The following SYNE2 variants were observed in gnomAD, a reference collection of about 807,000 sequenced individuals.
The protein encoded by SYNE2 is spectrin repeat containing nuclear envelope protein 2.
Under a neutral mutation model 856.3 loss-of-function variants are expected in SYNE2, and 431 were observed. The ratio of observed to expected loss-of-function variants is 0.50; its 90% CI spans 0.47 to 0.55. SYNE2 has a LOEUF of 0.55. Among genes scored for constraint, SYNE2 ranks in the 20% least tolerant of loss-of-function variants. The pLI is 0.00. For missense variants in SYNE2, 8,129 were observed against 8,023.2 expected (o/e 1.01, Z -0.50); for synonymous variants, 2,923 against 2,872.3 (o/e 1.02, Z -0.56).
chr14:64,122,592 C>A (rs2097906137), intron 70 of SYNE2, 165 bp downstream of exon 70: 2 of 854,892 alleles, frequency 2.3e-6, no homozygotes, highest in Admixed American at 4.1e-5. Context: ...AGGAACCCTT[C>A]CTTTGTGCTT....
At chr14:63,799,267 C>T (rs374397034) in intron 1 of SYNE2, among the ~76,000 whole-genome samples, 6 of 152,136 alleles carry the variant, frequency 3.9e-5, no homozygotes, top group East Asian at 1.9e-4. Context: ...TTAGTAGAGA[C>T]GGGGTTTTGC....
rs2095441869 is a variant in SYNE2, at chr14:63,909,081, A to T, written c.-51-17A>T. The T allele has an allele frequency of 4.5e-6, 5 of 1,113,700 alleles. No individual in the cohort carries two copies. In the Admixed American group the frequency reaches 8.4e-5, roughly 19 times the overall value. The allele number at this position is 1,113,700 out of a possible 1,614,324, so 69.0% of individuals were successfully genotyped here. ...GCTGCAAAGTTACTAATGAACATTT[A>T]TCCATTTCACTTTCAGTTCACTTCT... On this transcript the variant is annotated splice_polypyrimidine_tract_variant and intron_variant, in intron 1 of 115. Transcript: ENST00000555002.
At chr14:64,206,458 ATTTT>A (rs531971004) in intron 100 of SYNE2, among the ~76,000 whole-genome samples, 1 of 144,330 alleles carries the variant, frequency 6.9e-6, no homozygotes, top group Non-Finnish European at 1.5e-5. Context: ...CACTTTATTT[ATTTT>A]TTTTTTGTAC....
chr14:64,151,529 G>T (rs1249432985), intron 84 of SYNE2, among the ~76,000 whole-genome samples: 1 of 84,394 alleles, frequency 1.2e-5, no homozygotes, highest in Non-Finnish European at 2.4e-5. Flanking sequence ...AAAAAAAAAG[G>T]CTGGGATCCT....
At chr14:64,067,206 A>T (rs1022692599) in intron 51 of SYNE2, among the ~76,000 whole-genome samples, 4 of 152,254 alleles carry the variant, frequency 2.6e-5, no homozygotes, top group African/African-American at 9.6e-5. Context: ...AGCAAAAAAA[A>T]AATGCTTCCC....
chr14:63,984,413 A>G (rs2096609761), intron 18 of SYNE2, among the ~76,000 whole-genome samples: 2 of 152,338 alleles, frequency 1.3e-5, no homozygotes, highest in South Asian at 4.1e-4. Flanking sequence ...AGACACACAG[A>G]GCAGTCCTGA....
chr14:63,781,911 G>A (rs1209355583), intron 1 of SYNE2, among the ~76,000 whole-genome samples: 1 of 151,986 alleles, frequency 6.6e-6, no homozygotes, highest in Non-Finnish European at 1.5e-5. Flanking sequence ...GAAAGGCCGA[G>A]GCAGGAGAAT....
intron 41 of SYNE2, among the ~76,000 whole-genome samples, chr14:64,025,951 A>G (rs924264137): frequency 2.6e-5 from 4 of 152,142 alleles, no homozygotes; most frequent in Non-Finnish European, 5.9e-5. Flanking sequence ...TTAAAAATTC[A>G]ATCACTAGAT....
intron 1 of SYNE2, among the ~76,000 whole-genome samples, chr14:63,890,360 G>T (rs2095103540): frequency 6.6e-6 from 1 of 152,144 alleles, no homozygotes; most frequent in Admixed American, 6.6e-5. Context: ...ACTGCGCTCG[G>T]CTATTAAGGG....
intron 112 of SYNE2, among the ~76,000 whole-genome samples, chr14:64,222,304 C>T (rs2098698165): frequency 6.6e-6 from 1 of 152,232 alleles, no homozygotes; most frequent in African/African-American, 2.4e-5. Flanking sequence ...TCCAGTAGAA[C>T]TTTCTGAAGT....
At position 64,221,698 on chromosome 14, in the gene SYNE2, A is replaced by T. The variant is rs920341180; in HGVS notation, c.20184A>T (p.Glu6728Asp). The T allele has an allele frequency of 6.2e-7, 1 of 1,613,712 alleles. No individual in the cohort carries two copies. Among genetic ancestry groups the T allele is most frequent in the East Asian group, 2.2e-5 (1 of 44,876 alleles). Residue 6728 changes from glutamate (E) to aspartate (D), a missense_variant, in exon 112 of 116, where the codon GAA (glutamate) becomes GAT (aspartate). Physicochemically the swap from Glu to Asp is conservative, Grantham distance 45. Around this residue, in one of 3 missense-constraint regions of SYNE2, gnomAD observed 5,410 missense variants for 5,284.8 expected, o/e 1.02. Coordinates refer to ENST00000555002, the MANE Select transcript of SYNE2 (RefSeq NM_182914.3). ...DPRALLECRR[E>D]LMQLEKELVE... Reference sequence around the variant, plus strand: ...GGGCTCTCCTAGAGTGTCGGAGGGAACTAATGGTAAGTTTCCTCCCAAGGG... The same window carrying T: ...GGGCTCTCCTAGAGTGTCGGAGGGATCTAATGGTAAGTTTCCTCCCAAGGG...
At chr14:63,864,153 A>C (rs1160652453) in intron 1 of SYNE2, among the ~76,000 whole-genome samples, 1 of 152,220 alleles carries the variant, frequency 6.6e-6, no homozygotes, top group Admixed American at 6.5e-5. Context: ...ATGGCAAAGA[A>C]AATAGGTTAC....
Position 64,146,197 on chromosome 14 carries a change from G to C in SYNE2, c.15613G>C (p.Val5205Leu). Residue 5205 changes from valine to leucine, a missense_variant, in exon 84 of 116, where the codon GTG becomes CTG. By Grantham distance (32) the Val-to-Leu change is conservative. Coordinates refer to ENST00000555002, the MANE Select transcript of SYNE2 (RefSeq NM_182914.3). ...ACAAAAACCTGAAAGTGTGATCTCA[G>C]TGCAGAAGCTGCTCCTGGACTGTCA... is the stretch of plus-strand genomic sequence containing the variant. ...TLQKPESVIS[V>L]QKLLLDCQDI... 6.2e-7 allele frequency: 1 copy of C among 1,612,574 alleles called. No individual in the cohort carries two copies. Among genetic ancestry groups the C allele is most frequent in the South Asian group, 1.1e-5 (1 of 90,706 alleles).
intron 30 of SYNE2, among the ~76,000 whole-genome samples, chr14:64,003,823 A>G (rs1405935409): frequency 6.6e-6 from 1 of 152,212 alleles, no homozygotes; most frequent in Non-Finnish European, 1.5e-5. Flanking sequence ...TGAATTTAAG[A>G]GGCAATCTAA....
intron 14 of SYNE2, 114 bp downstream of exon 14, chr14:63,979,128 T>A: frequency 9.4e-7 from 1 of 1,067,654 alleles, no homozygotes; most frequent in South Asian, 1.3e-5. Context: ...TGGGTTTTCT[T>A]GGTAGATTTC....
chr14:64,086,893 A>G (rs906924457), intron 57 of SYNE2, among the ~76,000 whole-genome samples: 16 of 151,374 alleles, frequency 1.1e-4, no homozygotes, highest in Non-Finnish European at 2.2e-4. Flanking sequence ...TATTTTTAGT[A>G]GAGACAGGGT....
chr14:63,813,525 T>A (rs1682725580), intron 1 of SYNE2, among the ~76,000 whole-genome samples: 1 of 152,264 alleles, frequency 6.6e-6, no homozygotes, highest in African/African-American at 2.4e-5. Flanking sequence ...CTGGGCATGG[T>A]GGCTCACACC....
chr14:64,163,451 C>G lies in SYNE2; in HGVS notation c.16349C>G (p.Ser5450Cys), dbSNP rs757857559. The change falls in exon 89 of 116, where the codon TCC (serine) becomes TGC (cysteine). Residue 5450 changes from serine to cysteine, a missense_variant. Ser to Cys is a moderately radical substitution (Grantham distance 112, BLOSUM62 -1). This residue lies in a region of SYNE2 where 5,410 missense variants were observed against 5,284.8 expected (regional missense o/e 1.02). Transcript: ENST00000555002. ...QKTKEAFLQNSSVLDRLPQPA... is the reference protein window; with the variant it reads ...QKTKEAFLQNCSVLDRLPQPA... ...ACAAAAGAAGCCTTTCTCCAAAATT[C>G]CAGTGTCCTGGATCGACTCCCACAA... 6.8e-6 allele frequency: 11 copies of G among 1,614,156 alleles called. No individual in the cohort carries two copies. Among genetic ancestry groups the G allele is most frequent in the Non-Finnish European group, 9.3e-6 (11 of 1,180,032 alleles).
At chr14:63,834,905 T>C (rs1290425498) in intron 1 of SYNE2, among the ~76,000 whole-genome samples, 1 of 152,200 alleles carries the variant, frequency 6.6e-6, no homozygotes, top group Non-Finnish European at 1.5e-5. Context: ...CCCAAAGTGC[T>C]GGGATTACAG....
Sources: gnomAD v4.1 joint callset for allele counts (sites outside exome capture counted in the v4.1 genomes callset) on GRCh38, gnomAD v4.1.1 for gene constraint, gnomAD v4.1.1 regional missense constraint, MANE v1.5 for transcripts, NCBI Gene and HGNC (gene_info 2026-07-23, HGNC 2026-07-21) for gene names.